Variants in CSMD3 observed in about 807,000 individuals in gnomAD.
CSMD3 encodes the protein CUB and sushi domain-containing protein 3.
Under a neutral mutation model 435.2 loss-of-function variants are expected in CSMD3, and 177 were observed. The observed-to-expected ratio is 0.41, with a 90% CI of 0.36 to 0.46. CSMD3 has a LOEUF of 0.46. CSMD3 is among the 20% of genes least tolerant of loss of function. The probability of loss-of-function intolerance (pLI) is 0.34; values close to 1 mark genes in which losing one functional copy is unlikely to be tolerated. For missense variants in CSMD3, 4,265 were observed against 4,504.6 expected, an observed-to-expected ratio of 0.95 and a Z score of 1.52; for synonymous variants, 1,656 against 1,520.5, an observed-to-expected ratio of 1.09 and a Z score of -2.07.
At chr8:112,433,757 A>G (rs1450779590) in intron 32 of CSMD3, among the ~76,000 whole-genome samples, 2 of 152,050 alleles carry the variant, frequency 1.3e-5, no homozygotes, top group Non-Finnish European at 2.9e-5. Context: ...TTTGCTTTAC[A>G]AATGACTACA....
chr8:112,373,003 A>T (rs1403128273), intron 38 of CSMD3, among the ~76,000 whole-genome samples: 1 of 135,484 alleles, frequency 7.4e-6, no homozygotes, highest in Non-Finnish European at 1.6e-5. Context: ...TTTATATATA[A>T]AAATATATAT....
intron 12 of CSMD3, among the ~76,000 whole-genome samples, chr8:112,810,972 G>A (rs1232135796): frequency 1.3e-5 from 2 of 151,994 alleles, no homozygotes; most frequent in African/African-American, 4.8e-5. Context: ...GGATGATGGA[G>A]AATTTTTGTT....
chr8:113,134,239 A>G (rs1266417664), intron 4 of CSMD3, among the ~76,000 whole-genome samples: 1 of 152,060 alleles, frequency 6.6e-6, no homozygotes, highest in East Asian at 1.9e-4. Context: ...TCACTTTCCT[A>G]TATTACCTCC....
At chr8:113,343,777 A>G (rs967063020) in intron 1 of CSMD3, among the ~76,000 whole-genome samples, 1 of 152,154 alleles carries the variant, frequency 6.6e-6, no homozygotes, top group Non-Finnish European at 1.5e-5. Flanking sequence ...TCTCTTAAAA[A>G]TAATTGCACT....
intron 5 of CSMD3, among the ~76,000 whole-genome samples, chr8:113,075,824 T>C (rs2089312780): frequency 6.6e-6 from 1 of 151,860 alleles, no homozygotes; most frequent in Admixed American, 6.6e-5. Flanking sequence ...TATGCTACTG[T>C]TATAAATAAT....
chr8:113,089,388 T>C (rs1379331990), intron 5 of CSMD3, among the ~76,000 whole-genome samples: 1 of 152,114 alleles, frequency 6.6e-6, no homozygotes, highest in Non-Finnish European at 1.5e-5. Context: ...TTTTCTATTT[T>C]CCACAAAATA....
intron 1 of CSMD3, among the ~76,000 whole-genome samples, chr8:113,337,854 CAA>C (rs137913099): frequency 7.5e-5 from 11 of 146,034 alleles, no homozygotes; most frequent in East Asian, 4.0e-4. Flanking sequence ...GTTTTTACCA[CAA>C]AAAAAAAATG....
chr8:112,585,032 G>T (rs1830614569), intron 23 of CSMD3, among the ~76,000 whole-genome samples: 1 of 151,432 alleles, frequency 6.6e-6, no homozygotes, highest in East Asian at 2.0e-4. Flanking sequence ...TTCAGCTAAT[G>T]GTTTCTCGTT....
Position 113,256,279 on chromosome 8 carries a change from T to C in CSMD3, c.514+22313A>G, listed in dbSNP as rs143870381. On this transcript the variant is annotated intron_variant, in intron 3 of 70. Coordinates refer to ENST00000297405, the MANE Select transcript of CSMD3 (RefSeq NM_198123.2). ...TAGTTCAAATCTAAGCTGTTTGTTTTCTTTAAAATATATAAAACACTTAAG... is the reference window on the plus strand; with the variant it reads ...TAGTTCAAATCTAAGCTGTTTGTTTCCTTTAAAATATATAAAACACTTAAG... Among the ~76,000 whole-genome samples, 562 of 152,338 alleles carry C rather than the reference T, an allele frequency of 3.7e-3. 4 individuals carry two copies. The highest frequency in any genetic ancestry group is 6.9e-3 in the Non-Finnish European group (468 of 68,020).
At chr8:113,049,531 A>G (rs942203546) in intron 5 of CSMD3, among the ~76,000 whole-genome samples, 1 of 152,200 alleles carries the variant, frequency 6.6e-6, no homozygotes, top group Non-Finnish European at 1.5e-5. Flanking sequence ...GACAAGAACG[A>G]TTATTTTTTA....
At chr8:112,326,295 T>TA (rs1031717751) in intron 45 of CSMD3, among the ~76,000 whole-genome samples, 3 of 152,096 alleles carry the variant, frequency 2.0e-5, no homozygotes, top group African/African-American at 7.2e-5. Context: ...ATCAACATCA[T>TA]AAAAAAATAC....
At chr8:113,141,417 T>C (rs936506104) in intron 4 of CSMD3, among the ~76,000 whole-genome samples, 1 of 150,878 alleles carries the variant, frequency 6.6e-6, no homozygotes, top group Non-Finnish European at 1.5e-5. Flanking sequence ...CCCTCATGCA[T>C]ACAGATACAA....
intron 22 of CSMD3, among the ~76,000 whole-genome samples, chr8:112,611,925 A>G (rs1354882773): frequency 6.6e-6 from 1 of 152,194 alleles, no homozygotes; most frequent in Non-Finnish European, 1.5e-5. Flanking sequence ...TACAAATCCT[A>G]TTACAAAGCA....
At chr8:112,998,398 T>C (rs1479135339) in intron 6 of CSMD3, among the ~76,000 whole-genome samples, 2 of 151,918 alleles carry the variant, frequency 1.3e-5, no homozygotes, top group East Asian at 3.9e-4. Flanking sequence ...TTTTCTCTTA[T>C]TCTATATGGT....
chr8:112,958,689 T>C (rs550025364), intron 7 of CSMD3, among the ~76,000 whole-genome samples: 65 of 152,320 alleles, frequency 4.3e-4, no homozygotes, highest in African/African-American at 1.5e-3. Flanking sequence ...AAATGCCTAC[T>C]ATAAAAATTA....
chr8:113,189,365 G>T (rs1265966314), intron 3 of CSMD3, among the ~76,000 whole-genome samples: 3 of 151,674 alleles, frequency 2.0e-5, no homozygotes, highest in African/African-American at 7.3e-5. Context: ...TTTTCCTGAT[G>T]TGACCTATCC....
intron 10 of CSMD3, among the ~76,000 whole-genome samples, chr8:112,914,753 G>A (rs113922073): frequency 0.034 from 5,109 of 151,280 alleles, 147 homozygotes; most frequent in Middle Eastern, 0.051. Context: ...TTCACTTTGC[G>A]TGGTACAATT....
At chr8:113,411,814 A>G (rs2094560997) in intron 1 of CSMD3, among the ~76,000 whole-genome samples, 1 of 151,954 alleles carries the variant, frequency 6.6e-6, no homozygotes, top group South Asian at 2.1e-4. Context: ...TTAGTGAAAA[A>G]CTCTTTTAGC....
At chr8:113,085,079 A>G (rs1187310633) in intron 5 of CSMD3, among the ~76,000 whole-genome samples, 1 of 152,128 alleles carries the variant, frequency 6.6e-6, no homozygotes, top group Non-Finnish European at 1.5e-5. Context: ...ATGATTACAA[A>G]ATAAACAAAT....
Sources: gnomAD v4.1 joint callset for allele counts (sites outside exome capture counted in the v4.1 genomes callset) on GRCh38, gnomAD v4.1.1 for gene constraint, MANE v1.5 for transcripts, NCBI Gene and HGNC (gene_info 2026-07-23, HGNC 2026-07-21) for gene names.